Variants in WDR48 observed in about 807,000 individuals in gnomAD.
The protein encoded by WDR48 is WD repeat-containing protein 48.
In WDR48, 22 loss-of-function variants were observed where a neutral mutation model predicts 94.0. That is an observed-to-expected ratio of 0.23 (90% CI 0.17 to 0.33). WDR48 has a LOEUF of 0.33. Ranked by LOEUF, WDR48 falls within the 10% of genes least tolerant of loss-of-function variation. WDR48 has a pLI of 1.00. For synonymous variants in WDR48, 278 were observed against 280.5 expected (o/e 0.99, Z 0.09); for missense variants, 541 against 813.8 (o/e 0.66, Z 4.08).
chr3:39,090,740 A>T (rs1461422499), intron 16 of WDR48: 1 of 152,128 alleles, frequency 6.6e-6, no homozygotes, highest in Admixed American at 6.5e-5. Context: ...AGACTCTCTT[A>T]TGTACTGTTG....
intron 13 of WDR48, among the ~76,000 whole-genome samples, chr3:39,085,007 C>T (rs1274885929): frequency 6.6e-6 from 1 of 152,170 alleles, no homozygotes; most frequent in Non-Finnish European, 1.5e-5. Context: ...GCGGGTGGAT[C>T]ACGAGGTCAG....
chr3:39,091,730 A>G, intron 17 of WDR48, 29 bp downstream of exon 17: 1 of 1,532,406 alleles, frequency 6.5e-7, no homozygotes, highest in East Asian at 2.3e-5. Flanking sequence ...TCTTGATCTA[A>G]TTAACTACTA....
intron 7 of WDR48, among the ~76,000 whole-genome samples, chr3:39,073,456 C>T (rs2034047560): frequency 6.6e-6 from 1 of 152,146 alleles, no homozygotes; most frequent in South Asian, 2.1e-4. Flanking sequence ...CTGAAGGCCT[C>T]ATGTATTTGG....
At chr3:39,060,131 T>A (rs2033158864) in intron 1 of WDR48, among the ~76,000 whole-genome samples, 1 of 152,152 alleles carries the variant, frequency 6.6e-6, no homozygotes, top group African/African-American at 2.4e-5. Flanking sequence ...AGTGTACAAT[T>A]CAGTGATTTT....
chr3:39,075,969 T>C (rs1485137462), intron 8 of WDR48, among the ~76,000 whole-genome samples: 1 of 152,174 alleles, frequency 6.6e-6, no homozygotes, highest in Non-Finnish European at 1.5e-5. Flanking sequence ...GTGCTGGTAT[T>C]ACAGGCGTGA....
At chr3:39,070,551 CATCA>C (rs2033866801) in intron 7 of WDR48, among the ~76,000 whole-genome samples, 1 of 152,126 alleles carries the variant, frequency 6.6e-6, no homozygotes, top group Non-Finnish European at 1.5e-5. Flanking sequence ...TTGCTTTAGA[CATCA>C]ATCAGAGAAG....
At chr3:39,052,672 C>G (rs2032533695) in intron 1 of WDR48, 1 of 152,736 alleles carries the variant, frequency 6.5e-6, no homozygotes, top group Non-Finnish European at 1.5e-5. Flanking sequence ...TTAAGTTCCT[C>G]TTCACCATTT....
chr3:39,076,452 G>A (rs2034228380), intron 8 of WDR48, among the ~76,000 whole-genome samples: 1 of 152,188 alleles, frequency 6.6e-6, no homozygotes, highest in Non-Finnish European at 1.5e-5. Flanking sequence ...GGGAAAGACT[G>A]AAAGAACTTG....
chr3:39,080,066 C>T (rs2034440497), intron 11 of WDR48, among the ~76,000 whole-genome samples: 1 of 151,462 alleles, frequency 6.6e-6, no homozygotes, highest in African/African-American at 2.4e-5. Flanking sequence ...TTAAAAGTCT[C>T]ATCCTTGTAG....
At chr3:39,094,267 G>A in intron 18 of WDR48, 1 of 1,435,528 alleles carries the variant, frequency 7.0e-7, no homozygotes, top group Non-Finnish European at 9.1e-7. Context: ...ATGTGGATGT[G>A]CTGGTAGCTT....
chr3:39,087,334 C>T (rs1299534731), intron 14 of WDR48, among the ~76,000 whole-genome samples: 1 of 152,184 alleles, frequency 6.6e-6, no homozygotes, highest in African/African-American at 2.4e-5. Context: ...GTGATTTTGA[C>T]GTCTGTGCTT....
At chr3:39,066,680 T>C in intron 4 of WDR48, 50 bp downstream of exon 4, 1 of 1,613,194 alleles carries the variant, frequency 6.2e-7, no homozygotes, top group Non-Finnish European at 8.5e-7. Flanking sequence ...GGGATCTCAG[T>C]ACTTTGTGTG....
At chr3:39,059,972 T>C (rs2033149752) in intron 1 of WDR48, among the ~76,000 whole-genome samples, 1 of 152,236 alleles carries the variant, frequency 6.6e-6, no homozygotes. Context: ...TTTCTTATTT[T>C]ATAAGGAATC....
intron 14 of WDR48, chr3:39,087,706 C>T (rs1472609921): frequency 6.2e-6 from 1 of 160,110 alleles, no homozygotes; most frequent in Non-Finnish European, 1.4e-5. Flanking sequence ...ACAAATGCTT[C>T]TGTCTTTAGT....
At chr3:39,082,594 T>G (rs2034595775) in intron 11 of WDR48, among the ~76,000 whole-genome samples, 1 of 152,120 alleles carries the variant, frequency 6.6e-6, no homozygotes, top group Non-Finnish European at 1.5e-5. Flanking sequence ...GAGTGATACT[T>G]TAATGAAAGG....
At chr3:39,060,610 A>T (rs184017825) in intron 1 of WDR48, among the ~76,000 whole-genome samples, 1 of 152,236 alleles carries the variant, frequency 6.6e-6, no homozygotes, top group Non-Finnish European at 1.5e-5. Context: ...CGTAAAGATT[A>T]CCATCTTTCT....
chr3:39,084,361 T>TGAAAA, intron 12 of WDR48, 99 bp downstream of exon 12: 1 of 834,592 alleles, frequency 1.2e-6, no homozygotes. Flanking sequence ...TTTTTAGGTG[T>TGAAAA]GAAAAAAAAA....
chr3:39,059,487 T>A (rs180960876), intron 1 of WDR48, among the ~76,000 whole-genome samples: 2 of 152,358 alleles, frequency 1.3e-5, no homozygotes, highest in Non-Finnish European at 2.9e-5. Flanking sequence ...TTGGAAAGTT[T>A]CAGCAGAGAA....
intron 1 of WDR48, among the ~76,000 whole-genome samples, chr3:39,053,645 T>C (rs1312423645): frequency 3.3e-5 from 5 of 152,168 alleles, no homozygotes; most frequent in Admixed American, 2.0e-4. Context: ...TTTCAGTTTA[T>C]TGCATTAAGA....
Sources: gnomAD v4.1 joint callset for allele counts (sites outside exome capture counted in the v4.1 genomes callset) on GRCh38, gnomAD v4.1.1 for gene constraint, MANE v1.5 for transcripts, NCBI Gene and HGNC (gene_info 2026-07-23, HGNC 2026-07-21) for gene names.